The following PKIB variants were observed in gnomAD, a reference collection of about 807,000 sequenced individuals.
PKIB encodes the protein PKI-beta.
Under a neutral mutation model 4.5 loss-of-function variants are expected in PKIB, and 2 were observed. The ratio of observed to expected loss-of-function variants is 0.44; its 90% confidence interval spans 0.18 to 1.39. The LOEUF (loss-of-function observed/expected upper bound fraction) is 1.39, where lower values mean the gene tolerates loss of function less well. Ranked by LOEUF, PKIB falls within the 40% of genes most tolerant of loss-of-function variation. PKIB has a pLI of 0.27. For synonymous variants in PKIB, 38 were observed against 36.0 expected (o/e 1.06, Z -0.20); for missense variants, 94 against 92.6 (o/e 1.02, Z -0.06).
At chr6:122,619,296 A>G (rs2114783386) in intron 1 of PKIB, among the ~76,000 whole-genome samples, 1 of 152,240 alleles carries the variant, frequency 6.6e-6, no homozygotes, top group East Asian at 1.9e-4. Flanking sequence ...AAAAGTATTC[A>G]CCTACATTTG....
chr6:122,710,500 T>C (rs1317528836), intron 3 of PKIB, among the ~76,000 whole-genome samples: 1 of 152,176 alleles, frequency 6.6e-6, no homozygotes, highest in Non-Finnish European at 1.5e-5. Flanking sequence ...GAATACTTTG[T>C]GTACAATAGT....
At chr6:122,697,971 G>A (rs1778639568) in intron 3 of PKIB, among the ~76,000 whole-genome samples, 1 of 152,108 alleles carries the variant, frequency 6.6e-6, no homozygotes, top group Non-Finnish European at 1.5e-5. Context: ...GTTCTTTAAA[G>A]TGAGACCCTT....
At chr6:122,493,890 G>T (rs1337572066) in intron 2 of PKIB, among the ~76,000 whole-genome samples, 1 of 151,964 alleles carries the variant, frequency 6.6e-6, no homozygotes, top group African/African-American at 2.4e-5. Context: ...TCCTGTTCTT[G>T]CAGTCATTTA....
intron 2 of PKIB, among the ~76,000 whole-genome samples, chr6:122,509,381 C>A (rs1776518357): frequency 6.6e-6 from 1 of 151,240 alleles, no homozygotes; most frequent in Non-Finnish European, 1.5e-5. Context: ...TCTTATTGGG[C>A]TTAGTGCCAT....
At chr6:122,601,062 A>T (rs1774349130) in intron 3 of PKIB, among the ~76,000 whole-genome samples, 1 of 97,016 alleles carries the variant, frequency 1.0e-5, no homozygotes, top group Admixed American at 1.1e-4. Context: ...ATGACAGAGT[A>T]AAAAAAAAAA....
chr6:122,486,825 C>G (rs190778445), intron 2 of PKIB, among the ~76,000 whole-genome samples: 1 of 152,192 alleles, frequency 6.6e-6, no homozygotes, highest in East Asian at 1.9e-4. Context: ...TTTAAAACAT[C>G]TTAGTTGAAA....
chr6:122,544,628 A>G (rs1026654708), intron 2 of PKIB, among the ~76,000 whole-genome samples: 1 of 152,054 alleles, frequency 6.6e-6, no homozygotes, highest in Non-Finnish European at 1.5e-5. Flanking sequence ...GAGATTTCCC[A>G]TATAAAAAAT....
At chr6:122,687,911 A>T (rs990117643) in intron 3 of PKIB, among the ~76,000 whole-genome samples, 1 of 151,788 alleles carries the variant, frequency 6.6e-6, no homozygotes, top group Non-Finnish European at 1.5e-5. Context: ...GAGTAATTTG[A>T]CTTCTTTCTT....
At chr6:122,713,418 T>A (rs1222295186) in intron 3 of PKIB, among the ~76,000 whole-genome samples, 1 of 152,210 alleles carries the variant, frequency 6.6e-6, no homozygotes, top group East Asian at 1.9e-4. Flanking sequence ...CTCAAGTTAA[T>A]CTGTCATTTT....
chr6:122,692,396 C>G (rs1369128225), intron 3 of PKIB, among the ~76,000 whole-genome samples: 2 of 152,230 alleles, frequency 1.3e-5, no homozygotes, highest in South Asian at 2.1e-4. Flanking sequence ...AGCTGGCACT[C>G]AGACCATGAG....
intron 2 of PKIB, among the ~76,000 whole-genome samples, chr6:122,636,850 A>C (rs941884027): frequency 6.6e-6 from 1 of 152,174 alleles, no homozygotes; most frequent in African/African-American, 2.4e-5. Flanking sequence ...GGTACTATTT[A>C]CTAATACAGA....
intron 2 of PKIB, chr6:122,479,727 T>A (rs560838912): frequency 3.8e-4 from 58 of 152,296 alleles, no homozygotes; most frequent in African/African-American, 1.3e-3. Context: ...AAACCCAACA[T>A]CAGAGACACT....
chr6:122,631,568 G>A (rs1443185762), intron 1 of PKIB, among the ~76,000 whole-genome samples: 3 of 152,132 alleles, frequency 2.0e-5, no homozygotes, highest in African/African-American at 4.8e-5. Context: ...CGTAATAACC[G>A]TATATTTGGA....
At chr6:122,634,988 T>C (rs1775858467) in intron 2 of PKIB, among the ~76,000 whole-genome samples, 1 of 152,034 alleles carries the variant, frequency 6.6e-6, no homozygotes, top group Non-Finnish European at 1.5e-5. Context: ...AAACCTACTT[T>C]TATTATAAAA....
intron 2 of PKIB, among the ~76,000 whole-genome samples, chr6:122,661,947 A>G (rs1030186856): frequency 6.6e-6 from 1 of 152,172 alleles, no homozygotes; most frequent in African/African-American, 2.4e-5. Flanking sequence ...ATAGGGGATA[A>G]TGATGCTCTG....
chr6:122,670,186 A>G (rs1466472329), intron 2 of PKIB, among the ~76,000 whole-genome samples: 1 of 152,022 alleles, frequency 6.6e-6, no homozygotes, highest in Non-Finnish European at 1.5e-5. Context: ...GGAGTATATC[A>G]CTTCTGCACC....
At chr6:122,523,730 C>T (rs1777015404) in intron 2 of PKIB, among the ~76,000 whole-genome samples, 1 of 151,628 alleles carries the variant, frequency 6.6e-6, no homozygotes, top group Admixed American at 6.6e-5. Context: ...TTGCGGTGAG[C>T]TGAGATCAAG....
chr6:122,490,490 G>A (rs1284265386), intron 2 of PKIB, among the ~76,000 whole-genome samples: 5 of 152,032 alleles, frequency 3.3e-5, no homozygotes, highest in African/African-American at 4.8e-5. Flanking sequence ...ATTGGATCAT[G>A]GAGAAAGGTC....
At chr6:122,649,788 G>C (rs1776478073) in intron 2 of PKIB, among the ~76,000 whole-genome samples, 1 of 152,186 alleles carries the variant, frequency 6.6e-6, no homozygotes. Context: ...CAAAAGAAGA[G>C]TAGCTGTCTT....
Sources: allele counts gnomAD v4.1 joint callset (sites outside exome capture counted in the v4.1 genomes callset), GRCh38; gene constraint gnomAD v4.1.1; transcripts MANE v1.5; gene names NCBI Gene and HGNC (gene_info 2026-07-23, HGNC 2026-07-21).